The following KCNIP4 variants were observed in gnomAD, a reference collection of about 807,000 sequenced individuals.
KCNIP4 encodes the protein Kv channel-interacting protein 4.
KCNIP4 carries 12 observed loss-of-function variants against 34.0 expected under a neutral mutation model. That is an observed-to-expected ratio of 0.35 (90% confidence interval 0.23 to 0.57). KCNIP4 has a LOEUF of 0.57. Ranked by LOEUF, KCNIP4 falls within the 20% of genes least tolerant of loss-of-function variation. The pLI, the probability that KCNIP4 is intolerant of heterozygous loss-of-function variation, is 0.83. For synonymous variants in KCNIP4, 124 were observed against 102.2 expected (o/e 1.21, Z -1.29); for missense variants, 238 against 311.7 (o/e 0.76, Z 1.78).
In KCNIP4 at chr4:21,745,011, T is replaced by C. The variant is rs181697305; in HGVS notation, c.61+203560A>G. On this transcript the variant is annotated intron_variant, in intron 1 of 8. Transcript: ENST00000382152. Reference sequence around the variant, plus strand: ...CAGTTTTATGTTTTAAAAAGAACACTACCAGCAAAGAAACAAAAAACAGTG... The same window carrying C: ...CAGTTTTATGTTTTAAAAAGAACACCACCAGCAAAGAAACAAAAAACAGTG... 8.7e-3 allele frequency among the ~76,000 whole-genome samples: 1,329 copies of C among 152,186 alleles called. 19 individuals are homozygous for C. The highest frequency in any genetic ancestry group is 0.039 in the South Asian group (187 of 4,812).
chr4:21,436,045 T>G (rs1726917829), intron 1 of KCNIP4, among the ~76,000 whole-genome samples: 1 of 152,148 alleles, frequency 6.6e-6, no homozygotes, highest in African/African-American at 2.4e-5. Context: ...ATGCCTTATT[T>G]CCAGAACACA....
intron 1 of KCNIP4, among the ~76,000 whole-genome samples, chr4:21,111,622 A>G (rs1749178700): frequency 6.6e-6 from 1 of 152,194 alleles, no homozygotes; most frequent in South Asian, 2.1e-4. Flanking sequence ...AAATTCAGTG[A>G]TGCCCCAAAG....
intron 1 of KCNIP4, among the ~76,000 whole-genome samples, chr4:21,740,129 T>A (rs555651685): frequency 1.3e-5 from 2 of 152,214 alleles, no homozygotes; most frequent in South Asian, 2.1e-4. Context: ...AATATATGTA[T>A]ACACATGAAT....
At chr4:20,954,407 T>C (rs1257871936) in intron 1 of KCNIP4, among the ~76,000 whole-genome samples, 1 of 152,212 alleles carries the variant, frequency 6.6e-6, no homozygotes, top group East Asian at 1.9e-4. Context: ...ATTGAAATTT[T>C]AAAGTCAAAT....
chr4:20,755,245 G>A (rs1044793392), intron 4 of KCNIP4, among the ~76,000 whole-genome samples: 2 of 151,884 alleles, frequency 1.3e-5, no homozygotes, highest in Non-Finnish European at 2.9e-5. Flanking sequence ...AAAGTCCACC[G>A]AAAACAAAAA....
intron 1 of KCNIP4, among the ~76,000 whole-genome samples, chr4:21,080,378 C>T (rs1322748912): frequency 6.6e-6 from 1 of 151,930 alleles, no homozygotes; most frequent in Non-Finnish European, 1.5e-5. Context: ...ATGCTTACCT[C>T]TACAAATTAT....
intron 1 of KCNIP4, among the ~76,000 whole-genome samples, chr4:21,233,973 TA>T (rs1759009516): frequency 7.3e-6 from 1 of 137,434 alleles, no homozygotes; most frequent in Admixed American, 7.9e-5. Flanking sequence ...ATATATTATA[TA>T]ACATATATAA....
intron 1 of KCNIP4, among the ~76,000 whole-genome samples, chr4:20,936,401 G>C (rs935590578): frequency 2.1e-4 from 23 of 111,546 alleles, no homozygotes; most frequent in African/African-American, 7.7e-4. Context: ...CAGGTACTAA[G>C]ATTAAAAGAT....
chr4:21,151,009 A>G (rs1243702097), intron 1 of KCNIP4, among the ~76,000 whole-genome samples: 1 of 152,198 alleles, frequency 6.6e-6, no homozygotes, highest in Non-Finnish European at 1.5e-5. Context: ...CTAAAAATCT[A>G]CTTGCTAGAA....
chr4:21,169,106 T>C (rs1753828034), intron 1 of KCNIP4, among the ~76,000 whole-genome samples: 1 of 152,174 alleles, frequency 6.6e-6, no homozygotes, highest in Non-Finnish European at 1.5e-5. Flanking sequence ...AGTCAACCTA[T>C]AGCTACAGCT....
intron 1 of KCNIP4, among the ~76,000 whole-genome samples, chr4:21,842,674 A>C (rs2109322565): frequency 6.6e-6 from 1 of 152,244 alleles, no homozygotes; most frequent in South Asian, 2.1e-4. Context: ...TCTGGCACAT[A>C]TTTTCACCTA....
chr4:21,016,416 A>AGCC, intron 1 of KCNIP4, among the ~76,000 whole-genome samples: 1 of 150,486 alleles, frequency 6.6e-6, no homozygotes, highest in East Asian at 2.0e-4. Flanking sequence ...CTCCTGCCTC[A>AGCC]TCCTGAGTAG....
At chr4:21,489,218 CTTGGCAATGAG>C (rs1732161044) in intron 1 of KCNIP4, among the ~76,000 whole-genome samples, 1 of 150,086 alleles carries the variant, frequency 6.7e-6, no homozygotes, top group South Asian at 2.1e-4. Flanking sequence ...TAGCACTGTG[CTTGGCAATGAG>C]TGATAACTCA....
At chr4:21,055,121 A>G (rs1440641830) in intron 1 of KCNIP4, among the ~76,000 whole-genome samples, 1 of 152,122 alleles carries the variant, frequency 6.6e-6, no homozygotes, top group East Asian at 1.9e-4. Context: ...AATAAGAAGC[A>G]CCTCCCAAAA....
At chr4:21,348,612 A>G (rs1717698762) in intron 1 of KCNIP4, among the ~76,000 whole-genome samples, 2 of 152,286 alleles carry the variant, frequency 1.3e-5, no homozygotes, top group Admixed American at 6.5e-5. Flanking sequence ...CTTAATATAG[A>G]ACTGTTTAAA....
intron 1 of KCNIP4, among the ~76,000 whole-genome samples, chr4:21,733,913 T>C (rs1197671137): frequency 6.6e-6 from 1 of 152,138 alleles, no homozygotes; most frequent in Non-Finnish European, 1.5e-5. Context: ...ATAATCAGAT[T>C]TTTGACTCTT....
chr4:21,239,549 T>A (rs1383832886), intron 1 of KCNIP4, among the ~76,000 whole-genome samples: 1 of 151,864 alleles, frequency 6.6e-6, no homozygotes, highest in South Asian at 2.1e-4. Context: ...AACAACCCCA[T>A]CAAAAAGTGG....
At chr4:20,911,671 C>T (rs935623037) in intron 1 of KCNIP4, among the ~76,000 whole-genome samples, 2 of 152,196 alleles carry the variant, frequency 1.3e-5, no homozygotes, top group African/African-American at 2.4e-5. Flanking sequence ...GTTTACTCCC[C>T]AGGCTATTCC....
chr4:21,873,918 A>G (rs1725950667), intron 1 of KCNIP4, among the ~76,000 whole-genome samples: 1 of 152,314 alleles, frequency 6.6e-6, no homozygotes, highest in East Asian at 1.9e-4. Context: ...GCTGAGACCT[A>G]TTGTCAGGCT....
Sources: allele counts gnomAD v4.1 joint callset (sites outside exome capture counted in the v4.1 genomes callset), GRCh38; gene constraint gnomAD v4.1.1; transcripts MANE v1.5; gene names NCBI Gene and HGNC (gene_info 2026-07-23, HGNC 2026-07-21).